The following PDE1A variants were observed in gnomAD, a reference collection of about 807,000 sequenced individuals.
The protein encoded by PDE1A is dual specificity calcium/calmodulin-dependent 3',5'-cyclic nucleotide phosphodiesterase 1A.
Under a neutral mutation model 61.7 loss-of-function variants are expected in PDE1A, and 35 were observed. The observed-to-expected ratio is 0.57, with a 90% CI of 0.43 to 0.75. The LOEUF is 0.75. PDE1A is among the 30% of genes least tolerant of loss of function. PDE1A has a pLI of 0.00. For missense variants in PDE1A, 597 were observed against 630.6 expected (o/e 0.95, Z 0.57); for synonymous variants, 232 against 213.2 (o/e 1.09, Z -0.77).
chr2:182,221,169 C>T (rs1311565598), intron 7 of PDE1A, among the ~76,000 whole-genome samples: 1 of 151,940 alleles, frequency 6.6e-6, no homozygotes, highest in Non-Finnish European at 1.5e-5. Flanking sequence ...TAAATCAGGA[C>T]TCTTCATCCA....
chr2:182,666,381 G>C, the PDE1A span, among the ~76,000 whole-genome samples: 3 of 152,104 alleles, frequency 2.0e-5, no homozygotes, highest in Non-Finnish European at 4.4e-5. Context: ...ACTTTGGGAG[G>C]CCAAGGTGGG....
intron 1 of PDE1A, among the ~76,000 whole-genome samples, chr2:182,390,710 C>T (rs1701371228): frequency 6.6e-6 from 1 of 152,170 alleles, no homozygotes; most frequent in Non-Finnish European, 1.5e-5. Flanking sequence ...CAGGTGTCTA[C>T]TGTTAAAGTG....
chr2:182,627,195 T>TATTTATATATAAAATATAA, the PDE1A span, among the ~76,000 whole-genome samples: 4 of 18,004 alleles, frequency 2.2e-4, no homozygotes, highest in East Asian at 1.6e-3. Context: ...ATATAAATAT[T>TATTTATATATAAAATATAA]ATATTATTTA....
the PDE1A span, among the ~76,000 whole-genome samples, chr2:182,581,427 C>T: frequency 6.6e-6 from 1 of 152,144 alleles, no homozygotes; most frequent in East Asian, 1.9e-4. Flanking sequence ...AGATAGCACC[C>T]ATATTCTCCA....
At chr2:182,476,805 A>C (rs1220943505) in intron 2 of PDE1A, among the ~76,000 whole-genome samples, 2 of 151,790 alleles carry the variant, frequency 1.3e-5, no homozygotes, top group Non-Finnish European at 2.9e-5. Context: ...TAACATAAAA[A>C]TGAAAGAATA....
the PDE1A span, among the ~76,000 whole-genome samples, chr2:182,543,867 G>C: frequency 2.6e-5 from 4 of 152,140 alleles, no homozygotes; most frequent in African/African-American, 4.8e-5. Flanking sequence ...TGGCAATTGA[G>C]CAGAGCATTA....
chr2:182,377,760 C>T (rs1700496189), intron 1 of PDE1A, among the ~76,000 whole-genome samples: 1 of 152,062 alleles, frequency 6.6e-6, no homozygotes, highest in Non-Finnish European at 1.5e-5. Context: ...TTATTCATAA[C>T]AATCCCAACA....
intron 1 of PDE1A, among the ~76,000 whole-genome samples, chr2:182,331,772 C>T (rs191547122): frequency 4.6e-5 from 7 of 152,244 alleles, no homozygotes; most frequent in Non-Finnish European, 7.4e-5. Flanking sequence ...TTTCTGGCTG[C>T]GCTTAACATT....
chr2:182,345,018 G>C (rs1378367551), intron 1 of PDE1A, among the ~76,000 whole-genome samples: 1 of 152,170 alleles, frequency 6.6e-6, no homozygotes, highest in African/African-American at 2.4e-5. Flanking sequence ...TCTTCTCTTA[G>C]AATCAACCAG....
chr2:182,146,207 A>T (rs892324415), downstream of PDE1A, among the ~76,000 whole-genome samples: 8 of 152,200 alleles, frequency 5.3e-5, no homozygotes, highest in African/African-American at 1.9e-4. Context: ...AAAAATTCAA[A>T]TTTTCAAGGC....
chr2:182,190,609 A>C (rs1685603375), intron 10 of PDE1A, among the ~76,000 whole-genome samples: 1 of 152,178 alleles, frequency 6.6e-6, no homozygotes, highest in South Asian at 2.1e-4. Context: ...GATTATTTAT[A>C]TGAAGCATAA....
intron 2 of PDE1A, among the ~76,000 whole-genome samples, chr2:182,455,361 G>A (rs1439012106): frequency 6.6e-6 from 1 of 152,058 alleles, no homozygotes; most frequent in Non-Finnish European, 1.5e-5. Context: ...ATTCCTCAGG[G>A]ATCTAGAACT....
chr2:182,333,600 T>C (rs1459329467), intron 1 of PDE1A, among the ~76,000 whole-genome samples: 1 of 152,178 alleles, frequency 6.6e-6, no homozygotes, highest in Admixed American at 6.6e-5. Context: ...GGGAAATTTA[T>C]AGCACTAGGT....
At chr2:182,218,480 A>G (rs1688431124) in intron 7 of PDE1A, among the ~76,000 whole-genome samples, 1 of 152,196 alleles carries the variant, frequency 6.6e-6, no homozygotes, top group Non-Finnish European at 1.5e-5. Flanking sequence ...TCTAGTTGAC[A>G]CATTGTACAA....
chr2:182,326,012 C>T (rs762665140), intron 1 of PDE1A, among the ~76,000 whole-genome samples: 3 of 152,062 alleles, frequency 2.0e-5, no homozygotes, highest in Non-Finnish European at 4.4e-5. Flanking sequence ...ATATAAATGG[C>T]AAATGAACAT....
At chr2:182,704,238 A>AAC in the PDE1A span, among the ~76,000 whole-genome samples, 1 of 150,838 alleles carries the variant, frequency 6.6e-6, no homozygotes, top group Non-Finnish European at 1.5e-5. Flanking sequence ...AAAAAAAAAA[A>AAC]CTCAAGTTTT....
chr2:182,690,881 A>G, the PDE1A span, among the ~76,000 whole-genome samples: 5 of 152,202 alleles, frequency 3.3e-5, no homozygotes, highest in Non-Finnish European at 7.3e-5. Context: ...CTTATACACC[A>G]ATAACAGACA....
downstream of PDE1A, among the ~76,000 whole-genome samples, chr2:182,163,594 A>T (rs1472103407): frequency 2.0e-5 from 3 of 152,202 alleles, no homozygotes; most frequent in Non-Finnish European, 4.4e-5. Context: ...CTAAGGGTCC[A>T]GTGGTGCAGG....
At chr2:182,142,830 A>G (rs1431490778), downstream of PDE1A, 1 of 152,148 alleles carries the variant, frequency 6.6e-6, no homozygotes, top group Non-Finnish European at 1.5e-5. Flanking sequence ...TTGTGGAGGG[A>G]AAAAAATGGC....
Sources: gnomAD v4.1 joint callset for allele counts (sites outside exome capture counted in the v4.1 genomes callset) on GRCh38, gnomAD v4.1.1 for gene constraint, MANE v1.5 for transcripts, NCBI Gene and HGNC (gene_info 2026-07-23, HGNC 2026-07-21) for gene names.